The following GIT1 variants were observed in gnomAD, a reference collection of about 807,000 sequenced individuals.
GIT1 encodes ARF GTPase-activating protein GIT1.
In GIT1, 14 loss-of-function variants were observed where a neutral mutation model predicts 91.7. That is an observed-to-expected ratio of 0.15 (90% CI 0.10 to 0.24). The LOEUF is 0.24. Among genes scored for constraint, GIT1 ranks in the 10% least tolerant of loss-of-function variants. The pLI, the probability that GIT1 is intolerant of heterozygous loss-of-function variation, is 1.00. For synonymous variants in GIT1, 414 were observed against 418.2 expected (o/e 0.99, Z 0.12); for missense variants, 717 against 1,024.9 (o/e 0.70, Z 4.10).
Position 29,575,964 on chromosome 17 carries a change from C to T in GIT1, c.1666-66G>A. On this transcript the variant is annotated intron_variant, in intron 15 of 19. Coordinates refer to ENST00000225394, the MANE Select transcript of GIT1 (RefSeq NM_014030.4). This position sits in a 1 kb window ranked among gnomAD's most constrained non-coding sequence, Gnocchi z 5.5. ...ACTGCCCCCCTGCTCACCAGCAGTG[C>T]AGCAGGGACCAGGTCAGTCTAATCA... 3 of 1,503,918 alleles carry T rather than the reference C, an allele frequency of 2.0e-6. No homozygotes were observed. Among genetic ancestry groups the T allele is most frequent in the African/African-American group, 1.4e-5 (1 of 72,704 alleles). The allele number at this position is 1,503,918 out of a possible 1,614,324, so 93.2% of individuals were successfully genotyped here.
Position 29,577,684 on chromosome 17 carries a change from G to A in GIT1, c.942C>T (p.Phe314=). 1 of 1,612,992 alleles carries A rather than the reference G, an allele frequency of 6.2e-7. No individual in the cohort carries two copies. Among genetic ancestry groups the A allele is most frequent in the Non-Finnish European group, 8.5e-7 (1 of 1,179,198 alleles). ...CTGAGTATTCCGGGTTAACAGGCAGGAAGGGCACGGCACTGCGCTCTGTCA... is the reference window on the plus strand; with the variant it reads ...CTGAGTATTCCGGGTTAACAGGCAGAAAGGGCACGGCACTGCGCTCTGTCA... The part of the protein sequence containing the change: ...TLVTERSAVP[F]LPVNPEYSAT... Residue 314 remains phenylalanine, a synonymous_variant, in exon 10 of 20, where the codon TTC becomes TTT. Coordinates refer to ENST00000225394, the MANE Select transcript of GIT1 (RefSeq NM_014030.4).
In GIT1 at chr17:29,581,119, C is replaced by CA; in HGVS notation, c.761+218dup. The CA allele has an allele frequency of 1.7e-6, 1 of 587,520 alleles. No homozygotes were observed. Among genetic ancestry groups the CA allele is most frequent in the African/African-American group, 1.9e-5 (1 of 53,766 alleles). The allele number at this position is 587,520 out of a possible 1,614,324, so 36.4% of individuals were successfully genotyped here. On this transcript the variant is annotated intron_variant, in intron 7 of 19. Coordinates refer to ENST00000225394, the MANE Select transcript of GIT1 (RefSeq NM_014030.4). This position sits in a 1 kb window ranked among gnomAD's most constrained non-coding sequence, Gnocchi z 4.8. ...ACACCCAAGCCCTCCATGTACTTGA[C>CA]AGTCACGGGGCTCAGGCTATGCGGG... is the stretch of plus-strand genomic sequence containing the variant.
chr17:29,575,780 C>T lies in GIT1; in HGVS notation c.1752+32G>A. The T allele has an allele frequency of 6.2e-7, 1 of 1,605,740 alleles. No homozygotes were observed. Among genetic ancestry groups the T allele is most frequent in the Non-Finnish European group, 8.5e-7 (1 of 1,172,752 alleles). On this transcript the variant is annotated intron_variant, in intron 16 of 19. Transcript: ENST00000225394. The surrounding 1 kb of genome is among the most constrained non-coding windows in gnomAD (Gnocchi z 5.5). Reference sequence around the variant, plus strand: ...GCCCCTAGCCCACACGGCCCCCAGCCACCCTGTGGGCACTGGGCATGGAAA... The same window carrying T: ...GCCCCTAGCCCACACGGCCCCCAGCTACCCTGTGGGCACTGGGCATGGAAA...
In GIT1 at chr17:29,575,837, C is replaced by T. The variant is rs1250946654; in HGVS notation, c.1727G>A (p.Cys576Tyr). 6 of 1,612,544 alleles carry T rather than the reference C, an allele frequency of 3.7e-6. No homozygotes were observed. Among genetic ancestry groups the T allele is most frequent in the Non-Finnish European group, 5.1e-6 (6 of 1,179,402 alleles). ...CGTGTGGCGGCTTCCCTCCTGGGAG[C>T]AGGACAGCAGCGGGGAGGAGGGAGT... ...PFTPSSPLLS[C>Y]SQEGSRHTSK... is the part of the protein sequence containing the mutation. The change falls in exon 16 of 20, where the codon TGC (cysteine) becomes TAC (tyrosine). Residue 576 changes from cysteine to tyrosine, a missense_variant. Physicochemically the swap from Cys to Tyr is radical, Grantham distance 194. Coordinates refer to ENST00000225394, the MANE Select transcript of GIT1 (RefSeq NM_014030.4). This position sits in a 1 kb window ranked among gnomAD's most constrained non-coding sequence, Gnocchi z 5.5.
rs1280985800 is a variant in GIT1, at chr17:29,576,506, G to A, written c.1380+16C>T. 20 of 1,613,384 alleles carry A rather than the reference G, an allele frequency of 1.2e-5. No homozygotes were observed. Among genetic ancestry groups the A allele is most frequent in the South Asian group, 2.2e-5 (2 of 91,080 alleles). ...GAGTCCTGGGGCTCCCCCTCCCACC[G>A]AGGCTGCACCCTCACCTCTCGCTGC... is the stretch of plus-strand genomic sequence containing the variant. On this transcript the variant is annotated intron_variant, in intron 13 of 19. Coordinates refer to ENST00000225394, the MANE Select transcript of GIT1 (RefSeq NM_014030.4).
chr17:29,588,088 G>A (rs945179905), intron 1 of GIT1, among the ~76,000 whole-genome samples: 3 of 152,174 alleles, frequency 2.0e-5, no homozygotes, highest in Non-Finnish European at 2.9e-5. Flanking sequence ...AAATACTCTA[G>A]CTTGGCACCC....
rs1197460998 is a variant in GIT1 at position 29,589,409 on chromosome 17, G to C, written c.-31C>G. The stretch of plus-strand genomic sequence containing the variant: ...GCGGCGACGCGGCCGCAGCCCTCTG[G>C]GCCAGCGTGGGGGGCGCGGGCGGCG... On this transcript the variant is annotated 5_prime_UTR_variant, in exon 1 of 20. Transcript: ENST00000225394. The surrounding 1 kb of genome is among the most constrained non-coding windows in gnomAD (Gnocchi z 5.2). 2.1e-6 allele frequency: 2 copies of C among 963,584 alleles called. No individual in the cohort carries two copies. Among genetic ancestry groups the C allele is most frequent in the Non-Finnish European group, 2.5e-6 (2 of 809,766 alleles). The allele number at this position is 963,584 out of a possible 1,614,324, so 59.7% of individuals were successfully genotyped here.
At position 29,575,506 on chromosome 17, in the gene GIT1, C is replaced by CAT. The variant is rs1567768125; in HGVS notation, c.1827-38_1827-37dup. 13 of 1,584,306 alleles carry CAT rather than the reference C, an allele frequency of 8.2e-6. No homozygotes were observed. The highest frequency in any genetic ancestry group is 1.4e-5 in the African/African-American group (1 of 73,974). ...GGTCCAGAAAACAGAGACAAAGATA[C>CAT]ATATAGAGAAAGACACGTTCCAGCC... On this transcript the variant is annotated intron_variant, in intron 17 of 19. Coordinates refer to ENST00000225394, the MANE Select transcript of GIT1 (RefSeq NM_014030.4). This position sits in a 1 kb window ranked among gnomAD's most constrained non-coding sequence, Gnocchi z 5.5.
chr17:29,582,919 A>G lies in GIT1; in HGVS notation c.299+6T>C. 2 of 1,596,960 alleles carry G rather than the reference A, an allele frequency of 1.3e-6. No homozygotes were observed. Among genetic ancestry groups the G allele is most frequent in the East Asian group, 4.5e-5 (2 of 44,778 alleles). Reference sequence around the variant, plus strand: ...CTCTGCCCACCACCCCTCCAGCCCCACTCACTGGACTTTGTCTTGGGGGTT... The same window carrying G: ...CTCTGCCCACCACCCCTCCAGCCCCGCTCACTGGACTTTGTCTTGGGGGTT... On this transcript the variant is annotated splice_donor_region_variant and intron_variant, in intron 3 of 19. Coordinates refer to ENST00000225394, the MANE Select transcript of GIT1 (RefSeq NM_014030.4).
Position 29,589,233 on chromosome 17 carries a change from C to T in GIT1, c.52+94G>A. 2.8e-6 allele frequency: 1 copy of T among 354,468 alleles called. No homozygotes were observed. Among genetic ancestry groups the T allele is most frequent in the Non-Finnish European group, 4.0e-6 (1 of 251,408 alleles). The allele number at this position is 354,468 out of a possible 1,614,324, so 22.0% of individuals were successfully genotyped here. A position where few individuals can be genotyped will look rare whatever the true frequency, so the allele number is the denominator to read the frequency against. ...GGCCGCAGCCCCCCGCCCCGCCCAG[C>T]CCTCCGGCCCCGCACAGCGCTCTTG... On this transcript the variant is annotated intron_variant, in intron 1 of 19. Coordinates refer to ENST00000225394, the MANE Select transcript of GIT1 (RefSeq NM_014030.4). The surrounding 1 kb of genome is among the most constrained non-coding windows in gnomAD (Gnocchi z 5.2).
At position 29,575,998 on chromosome 17, in the gene GIT1, C is replaced by T; in HGVS notation, c.1665+80G>A. 2 of 1,561,016 alleles carry T rather than the reference C, an allele frequency of 1.3e-6. No homozygotes were observed. Among genetic ancestry groups the T allele is most frequent in the South Asian group, 1.1e-5 (1 of 89,886 alleles). ...CCAGGTCAGTCTAATCATCTTAAGC[C>T]CCGAATTCAGCACAGAGCCCAGAAC... On this transcript the variant is annotated intron_variant, in intron 15 of 19. Transcript: ENST00000225394. The surrounding 1 kb of genome is among the most constrained non-coding windows in gnomAD (Gnocchi z 5.5).
chr17:29,583,343 T>G (rs962586255), intron 2 of GIT1, 140 bp downstream of exon 2: 2 of 809,218 alleles, frequency 2.5e-6, no homozygotes, highest in African/African-American at 1.7e-5. Flanking sequence ...GGGTCAGGAT[T>G]AGCCTCTGCC....
chr17:29,576,269 C>G lies in GIT1; in HGVS notation c.1562G>C (p.Gly521Ala). ...EPGSALKPFG[G>A]PPGDELTTRL... ...CGTAGTGAGCTCGTCCCCAGGGGGGCCCCCAAAGGGCTTCAGGGCAGAGCC... is the reference window on the plus strand; with the variant it reads ...CGTAGTGAGCTCGTCCCCAGGGGGGGCCCCAAAGGGCTTCAGGGCAGAGCC... Residue 521 changes from glycine to alanine, a missense_variant, in exon 14 of 20, where the codon GGC (glycine) becomes GCC (alanine). Gly to Ala is a moderately conservative substitution (Grantham distance 60). Coordinates refer to ENST00000225394, the MANE Select transcript of GIT1 (RefSeq NM_014030.4). 3.1e-6 allele frequency: 5 copies of G among 1,610,236 alleles called. No individual in the cohort carries two copies. The highest frequency in any genetic ancestry group is 1.7e-4 in the Middle Eastern group (1 of 6,058).
chr17:29,586,702 G>C (rs1220433597), intron 1 of GIT1, among the ~76,000 whole-genome samples: 1 of 152,222 alleles, frequency 6.6e-6, no homozygotes, highest in Non-Finnish European at 1.5e-5. Flanking sequence ...CTCACCCCCA[G>C]GGTTGCCAAA....
chr17:29,585,598 A>G lies in GIT1; in HGVS notation c.53-1982T>C, dbSNP rs189193297. On this transcript the variant is annotated intron_variant, in intron 1 of 19. Coordinates refer to ENST00000225394, the MANE Select transcript of GIT1 (RefSeq NM_014030.4). ...TTCTCCTTCTCCTCCAGGTGACCTG[A>G]GAAGAATGGTAGGCAAAGGACACTG... Among the ~76,000 whole-genome samples the G allele has an allele frequency of 1.3e-4, 20 of 152,216 alleles. No homozygotes were observed. In the East Asian group the frequency reaches 3.1e-3, roughly 24 times the overall value.
At chr17:29,578,710 G>A (rs761157507) in intron 8 of GIT1, 21 bp downstream of exon 8, 11 of 1,607,274 alleles carry the variant, frequency 6.8e-6, no homozygotes, top group Non-Finnish European at 9.4e-6. Flanking sequence ...AAGTGTCAGG[G>A]CACTGTTGGA....
chr17:29,579,137 G>A (rs1356849903), intron 7 of GIT1: 9 of 685,490 alleles, frequency 1.3e-5, no homozygotes, highest in East Asian at 5.3e-5. Flanking sequence ...TCATCTCACC[G>A]CGTCCCCCAC....
At chr17:29,578,990 T>C (rs1358955134) in intron 7 of GIT1, 1 of 1,613,708 alleles carries the variant, frequency 6.2e-7, no homozygotes, top group African/African-American at 1.3e-5. Context: ...TGCCGAGATC[T>C]AAGTCCAGAG....
chr17:29,581,918 G>A lies in GIT1; in HGVS notation c.623+9C>T, dbSNP rs753858223. On this transcript the variant is annotated intron_variant, in intron 5 of 19. Coordinates refer to ENST00000225394, the MANE Select transcript of GIT1 (RefSeq NM_014030.4). This position sits in a 1 kb window ranked among gnomAD's most constrained non-coding sequence, Gnocchi z 4.8. The stretch of plus-strand genomic sequence containing the variant: ...CCCACCCACACTGCACCCTTCAGCC[G>A]ACCCTCACCTGGCATAGTCAATGGG... The A allele has an allele frequency of 1.5e-5, 19 of 1,297,884 alleles. No individual in the cohort carries two copies. Among genetic ancestry groups the A allele is most frequent in the Non-Finnish European group, 1.6e-5 (15 of 939,136 alleles). 80.4% of individuals were successfully genotyped at this position (1,297,884 alleles called of 1,614,324 possible).
Sources: gnomAD v4.1 joint callset for allele counts (sites outside exome capture counted in the v4.1 genomes callset) on GRCh38, gnomAD v4.1.1 for gene constraint, Gnocchi (gnomAD v3.1) non-coding constraint, MANE v1.5 for transcripts, NCBI Gene and HGNC (gene_info 2026-07-23, HGNC 2026-07-21) for gene names.